The following LARP1B variants were observed in gnomAD, a reference collection of about 807,000 sequenced individuals.
LARP1B encodes the protein la-related protein 1B.
Under a neutral mutation model 114.2 loss-of-function variants are expected in LARP1B, and 76 were observed. The observed-to-expected ratio is 0.67, with a 90% CI of 0.55 to 0.81. The LOEUF (loss-of-function observed/expected upper bound fraction) is 0.81, where lower values mean the gene tolerates loss of function less well. Ranked by LOEUF, LARP1B falls within the 30% of genes least tolerant of loss-of-function variation. LARP1B has a pLI of 0.00. For synonymous variants in LARP1B, 345 were observed against 348.0 expected (o/e 0.99, Z 0.10); for missense variants, 1,014 against 1,075.8 (o/e 0.94, Z 0.80).
In LARP1B at chr4:128,162,182, A is replaced by G. The variant is rs761810300; in HGVS notation, c.1525-12A>G. On this transcript the variant is annotated splice_polypyrimidine_tract_variant and intron_variant, in intron 11 of 19. Transcript: ENST00000326639. ...GCCAGTTTAGTAATTAGATTCCTCC[A>G]TTCTACTTCAGCAAGAAGTTGAGAA... 2 of 1,611,188 alleles carry G rather than the reference A, an allele frequency of 1.2e-6. No individual in the cohort carries two copies. The highest frequency in any genetic ancestry group is 3.4e-5 in the Admixed American group (2 of 59,674).
chr4:128,080,148 TG>T (rs1202252781), intron 4 of LARP1B, among the ~76,000 whole-genome samples: 1 of 151,918 alleles, frequency 6.6e-6, no homozygotes, highest in Admixed American at 6.6e-5. Context: ...CAGCTAATTT[TG>T]TATTTTTTTT....
In LARP1B at chr4:128,199,517, C is replaced by CCAG. The variant is rs775847515; in HGVS notation, c.2085_2087dup (p.Gln695dup). 1.6e-5 allele frequency: 25 copies of CCAG among 1,604,382 alleles called. No homozygotes were observed. Among genetic ancestry groups the CCAG allele is most frequent in the Non-Finnish European group, 2.1e-5 (25 of 1,174,656 alleles). ...GTACTCCTCATTCATTCCCAAAGTT[C>CCAG]CAGCATCCTTCTCATGAACTTTTGA... On this transcript the variant is annotated inframe_insertion, in exon 16 of 20. Transcript: ENST00000326639.
chr4:128,145,733 G>A (rs756806720), intron 11 of LARP1B, among the ~76,000 whole-genome samples: 4 of 152,214 alleles, frequency 2.6e-5, no homozygotes, highest in Non-Finnish European at 4.4e-5. Context: ...GAGCTGGAGT[G>A]ATCGTGGAGC....
At chr4:128,221,278 A>T (rs1194111657) in intron 7 of LARP1B, among the ~76,000 whole-genome samples, 1 of 152,202 alleles carries the variant, frequency 6.6e-6, no homozygotes, top group Non-Finnish European at 1.5e-5. Flanking sequence ...TGAGCATTTT[A>T]TTTAGAATTT....
At position 128,082,192 on chromosome 4, in the gene LARP1B, A is replaced by G. The variant is rs768486304; in HGVS notation, c.245A>G (p.His82Arg). ...RANKHKWVPL[H>R]LDVVRSESQE... is the part of the protein sequence containing the mutation. Reference sequence around the variant, plus strand: ...AATAAGCACAAGTGGGTACCACTCCACTTAGATGTTGTAAGATCAGAGAGT... The same window carrying G: ...AATAAGCACAAGTGGGTACCACTCCGCTTAGATGTTGTAAGATCAGAGAGT... The change falls in exon 5 of 20, where the codon CAC (histidine) becomes CGC (arginine). Residue 82 changes from histidine to arginine, a missense_variant. Physicochemically the swap from His to Arg is conservative, Grantham distance 29. Transcript: ENST00000326639. 1.4e-5 allele frequency: 22 copies of G among 1,612,362 alleles called. 1 individual carries two copies. The South Asian group carries it at 2.3e-4, about 17-fold the overall frequency.
intron 17 of LARP1B, among the ~76,000 whole-genome samples, chr4:128,206,061 C>T (rs1270694540): frequency 6.6e-6 from 1 of 152,166 alleles, no homozygotes; most frequent in Non-Finnish European, 1.5e-5. Flanking sequence ...GAGGCCGAGG[C>T]AGATGGATCC....
At chr4:128,125,529 C>T (rs373841377) in intron 11 of LARP1B, among the ~76,000 whole-genome samples, 3 of 152,156 alleles carry the variant, frequency 2.0e-5, no homozygotes, top group African/African-American at 7.2e-5. Flanking sequence ...GGGTGGATCA[C>T]GAGGTCAAGA....
At chr4:128,103,079 A>G (rs17012926) in intron 8 of LARP1B, among the ~76,000 whole-genome samples, 3,627 of 152,278 alleles carry the variant, frequency 0.024, 126 homozygotes, top group African/African-American at 0.083. Context: ...AACCAAAATT[A>G]ATAGCTAAGT....
chr4:128,099,052 A>T (rs1185821029), intron 8 of LARP1B, among the ~76,000 whole-genome samples: 1 of 151,354 alleles, frequency 6.6e-6, no homozygotes, highest in Non-Finnish European at 1.5e-5. Flanking sequence ...CTAGGATTAC[A>T]GGTGTGAGCC....
At chr4:128,162,355 A>G in intron 12 of LARP1B, 38 bp downstream of exon 12, 4 of 1,565,738 alleles carry the variant, frequency 2.6e-6, no homozygotes, top group Non-Finnish European at 2.6e-6. Flanking sequence ...TCTGAATAGT[A>G]TTAAAGCAGT....
At chr4:128,157,364 AGAGACATAGTCTAACACATATCATTG>A (rs1325353349) in intron 11 of LARP1B, among the ~76,000 whole-genome samples, 3 of 152,196 alleles carry the variant, frequency 2.0e-5, no homozygotes, top group Non-Finnish European at 2.9e-5. Context: ...AAAGGGTGTA[AGAGACATAGTCTAACACATATCATTG>A]GATCCTCCAA....
At chr4:128,179,641 C>T (rs1747648478) in intron 15 of LARP1B, 129 bp downstream of exon 15, 3 of 501,148 alleles carry the variant, frequency 6.0e-6, no homozygotes, top group Non-Finnish European at 1.0e-5. Context: ...GAAAATGGTA[C>T]AAAGAAGCCA....
At chr4:128,077,280 T>C (rs142861369) in intron 3 of LARP1B, among the ~76,000 whole-genome samples, 97 of 151,856 alleles carry the variant, frequency 6.4e-4, no homozygotes, top group Non-Finnish European at 1.1e-3. Context: ...GGTGAATCAT[T>C]TGGGGTTAGG....
intron 11 of LARP1B, among the ~76,000 whole-genome samples, chr4:128,144,846 C>T (rs778563169): frequency 6.6e-6 from 1 of 151,944 alleles, no homozygotes; most frequent in Non-Finnish European, 1.5e-5. Context: ...TGTTTTTCTT[C>T]TGTTTCTTCA....
intron 9 of LARP1B, chr4:128,108,010 C>A: frequency 6.6e-7 from 1 of 1,523,954 alleles, no homozygotes. Flanking sequence ...AGCGATCAGA[C>A]TGTCTTCTGT....
intron 11 of LARP1B, among the ~76,000 whole-genome samples, chr4:128,137,643 T>G (rs1322446081): frequency 6.6e-6 from 1 of 151,972 alleles, no homozygotes; most frequent in East Asian, 1.9e-4. Context: ...ATGCATACAA[T>G]GTGTAATGAT....
chr4:128,089,768 G>T (rs865848635), intron 5 of LARP1B, among the ~76,000 whole-genome samples: 55 of 150,860 alleles, frequency 3.6e-4, no homozygotes, highest in African/African-American at 6.4e-4. Context: ...CACTGTTTTC[G>T]TTTTTCTTTT....
At chr4:128,138,658 G>A (rs1482831434) in intron 11 of LARP1B, among the ~76,000 whole-genome samples, 1 of 152,072 alleles carries the variant, frequency 6.6e-6, no homozygotes, top group Admixed American at 6.6e-5. Context: ...GCATTACCTA[G>A]GTATAAAAAG....
At chr4:128,143,888 G>T (rs1227230427) in intron 11 of LARP1B, among the ~76,000 whole-genome samples, 1 of 151,798 alleles carries the variant, frequency 6.6e-6, no homozygotes, top group Non-Finnish European at 1.5e-5. Context: ...GAACGGTCCA[G>T]TGTAAAGAGA....
Sources: allele counts gnomAD v4.1 joint callset (sites outside exome capture counted in the v4.1 genomes callset), GRCh38; gene constraint gnomAD v4.1.1; transcripts MANE v1.5; gene names NCBI Gene and HGNC (gene_info 2026-07-23, HGNC 2026-07-21).